KCNK10: variants seen among roughly 807,000 people sequenced by gnomAD.
KCNK10 encodes the protein potassium two pore domain channel subfamily K member 10, also known as potassium channel subfamily K member 10.
KCNK10 carries 25 observed loss-of-function variants against 47.7 expected under a neutral mutation model. The observed-to-expected ratio is 0.52, with a 90% CI of 0.38 to 0.73. The LOEUF (loss-of-function observed/expected upper bound fraction) is 0.73, where lower values mean the gene tolerates loss of function less well. KCNK10 is among the 30% of genes least tolerant of loss of function. KCNK10 has a pLI of 0.00. For synonymous variants in KCNK10, 303 were observed against 285.6 expected, an observed-to-expected ratio of 1.06 and a Z score of -0.61; for missense variants, 563 against 714.5, an observed-to-expected ratio of 0.79 and a Z score of 2.42.
rs375325533 is a variant in KCNK10, at chr14:88,244,449, A to G, written c.403-3629T>C. 1.8e-4 allele frequency among the ~76,000 whole-genome samples: 27 copies of G among 152,310 alleles called. 1 individual carries two copies. Among genetic ancestry groups the G allele is most frequent in the African/African-American group, 6.5e-4 (27 of 41,564 alleles). ...TTTGGGAGGCCAAGGCAGGTGGATC[A>G]CAAGGTCAGGAGTTTGAGGCCATCC... On this transcript the variant is annotated intron_variant, in intron 2 of 6. Coordinates refer to ENST00000319231, the MANE Select transcript of KCNK10 (RefSeq NM_138317.3).
chr14:88,233,929 C>T (rs997434925), intron 3 of KCNK10, among the ~76,000 whole-genome samples: 1 of 152,156 alleles, frequency 6.6e-6, no homozygotes, highest in African/African-American at 2.4e-5. Flanking sequence ...GAATCCAATA[C>T]CGGGTATCAG....
intron 3 of KCNK10, 36 bp from the exon 4 acceptor site, chr14:88,227,571 A>G (rs1886028250): frequency 6.4e-7 from 1 of 1,553,500 alleles, no homozygotes; most frequent in African/African-American, 1.4e-5. Flanking sequence ...AGAGTGGCAG[A>G]GAAATTAGCA....
At position 88,239,498 on chromosome 14, in the gene KCNK10, T is replaced by C. The variant is rs577522078; in HGVS notation, c.520+1205A>G. Among the ~76,000 whole-genome samples, 3 of 152,332 alleles carry C rather than the reference T, an allele frequency of 2.0e-5. No homozygotes were observed. In the East Asian group the frequency reaches 5.8e-4, roughly 29 times the overall value. ...AGAAAAGAGATATCATCACCCGTTA[T>C]AGGGATCGAATACATGCTGGTTAAC... is the stretch of plus-strand genomic sequence containing the variant. On this transcript the variant is annotated intron_variant, in intron 3 of 6. Transcript: ENST00000319231.
intron 4 of KCNK10, among the ~76,000 whole-genome samples, chr14:88,212,921 C>G (rs527851103): frequency 2.2e-4 from 33 of 152,344 alleles, no homozygotes; most frequent in African/African-American, 7.0e-4. Context: ...GCCATCAGAG[C>G]CTGCTCAGCA....
rs1225972167 is a variant in KCNK10 at position 88,184,710 on chromosome 14, T to TTGC, written c.*824_*825insGCA. The TTGC allele has an allele frequency of 6.6e-6, 1 of 152,314 alleles. No homozygotes were observed. The highest frequency in any genetic ancestry group is 1.5e-5 in the Non-Finnish European group (1 of 68,026). The allele number at this position is 152,314 out of a possible 1,614,324, so 9.4% of individuals were successfully genotyped here. A position where few individuals can be genotyped will look rare whatever the true frequency, so the allele number is the denominator to read the frequency against. Reference sequence around the variant, plus strand: ...GTACATGGACATTTCCAAATCAGTTTATTGTCACCATTGCACCCACTGAGG... The same window carrying TTGC: ...GTACATGGACATTTCCAAATCAGTTTTGCATTGTCACCATTGCACCCACTGAGG... On this transcript the variant is annotated 3_prime_UTR_variant, in exon 7 of 7. Transcript: ENST00000319231.
At chr14:88,297,470 G>A (rs527537147) in intron 1 of KCNK10, among the ~76,000 whole-genome samples, 3 of 152,192 alleles carry the variant, frequency 2.0e-5, no homozygotes, top group Non-Finnish European at 4.4e-5. Context: ...AGAAACATCT[G>A]GCAGCATTCT....
chr14:88,314,230 T>C (rs1888383998), intron 1 of KCNK10, among the ~76,000 whole-genome samples: 1 of 152,152 alleles, frequency 6.6e-6, no homozygotes, highest in South Asian at 2.1e-4. Context: ...GTCATGGGCA[T>C]GGAGCCTTCA....
intron 1 of KCNK10, among the ~76,000 whole-genome samples, chr14:88,296,743 C>T (rs530911463): frequency 6.6e-6 from 1 of 152,302 alleles, no homozygotes; most frequent in South Asian, 2.1e-4. Flanking sequence ...TAGACCTGGA[C>T]ATCTGGGCAT....
intron 3 of KCNK10, among the ~76,000 whole-genome samples, chr14:88,232,524 A>G (rs1160456194): frequency 6.6e-6 from 1 of 152,232 alleles, no homozygotes; most frequent in Non-Finnish European, 1.5e-5. Flanking sequence ...ATTCTTACTT[A>G]CATTGTATTA....
Position 88,322,101 on chromosome 14 carries a change from CT to C in KCNK10, c.52+645del, listed in dbSNP as rs1455898474. On this transcript the variant is annotated intron_variant, in intron 1 of 6. Transcript: ENST00000319231. The surrounding 1 kb of genome is among the most constrained non-coding windows in gnomAD (Gnocchi z 4.8). ...GGCGGGCACACTTCGTGCCCCTCCCCTATGCCTTGCCAGCCCCACCCTTCTC... is the reference window on the plus strand; with the variant it reads ...GGCGGGCACACTTCGTGCCCCTCCCCATGCCTTGCCAGCCCCACCCTTCTC... 6.6e-6 allele frequency among the ~76,000 whole-genome samples: 1 copy of C among 152,226 alleles called. No individual in the cohort carries two copies. Among genetic ancestry groups the C allele is most frequent in the East Asian group, 1.9e-4 (1 of 5,194 alleles).
chr14:88,187,926 C>T (rs1884624207), intron 6 of KCNK10, 41 bp downstream of exon 6: 2 of 1,606,532 alleles, frequency 1.2e-6, no homozygotes, highest in Non-Finnish European at 1.7e-6. Flanking sequence ...ACAAGCTCAT[C>T]TGTTCTCAGG....
rs566786963 is a variant in KCNK10 at position 88,290,735 on chromosome 14, A to T, written c.53-27184T>A. Reference sequence around the variant, plus strand: ...AATTTACAGATGAAAACCTTTTGAGAAAATTCTTGCCAATGTCCCTATAAG... The same window carrying T: ...AATTTACAGATGAAAACCTTTTGAGTAAATTCTTGCCAATGTCCCTATAAG... On this transcript the variant is annotated intron_variant, in intron 1 of 6. Coordinates refer to ENST00000319231, the MANE Select transcript of KCNK10 (RefSeq NM_138317.3). Among the ~76,000 whole-genome samples the T allele has an allele frequency of 2.0e-5, 3 of 152,368 alleles. No homozygotes were observed. The South Asian group carries it at 6.2e-4, about 32-fold the overall frequency.
chr14:88,251,177 G>A (rs1027465723), intron 2 of KCNK10, among the ~76,000 whole-genome samples: 4 of 139,010 alleles, frequency 2.9e-5, no homozygotes, highest in African/African-American at 1.1e-4. Flanking sequence ...AGGTTGCAGT[G>A]AGCTGAGATC....
At chr14:88,323,302 G>C (rs1182281182), upstream of KCNK10, 1 of 985,272 alleles carries the variant, frequency 1.0e-6, no homozygotes, top group Non-Finnish European at 1.2e-6. Context: ...CGGCCGCGCT[G>C]AGCGCACACG....
At chr14:88,252,288 C>T (rs1886822732) in intron 2 of KCNK10, among the ~76,000 whole-genome samples, 1 of 152,150 alleles carries the variant, frequency 6.6e-6, no homozygotes, top group African/African-American at 2.4e-5. Context: ...GACATTTGGT[C>T]ATCCTAGTTA....
intron 2 of KCNK10, among the ~76,000 whole-genome samples, chr14:88,251,618 T>G (rs760979402): frequency 6.6e-6 from 1 of 152,238 alleles, no homozygotes; most frequent in Non-Finnish European, 1.5e-5. Flanking sequence ...AACAAATAAC[T>G]TAAAACCCTT....
chr14:88,290,391 T>A (rs1227054628), intron 1 of KCNK10, among the ~76,000 whole-genome samples: 3 of 152,202 alleles, frequency 2.0e-5, no homozygotes. Flanking sequence ...TTAGGAAGTC[T>A]AACATGCAGA....
At chr14:88,198,077 A>G (rs1884981260) in intron 4 of KCNK10, among the ~76,000 whole-genome samples, 1 of 152,194 alleles carries the variant, frequency 6.6e-6, no homozygotes. Flanking sequence ...CTGGGAGAGA[A>G]GAAAGGAAAT....
intron 1 of KCNK10, among the ~76,000 whole-genome samples, chr14:88,305,626 G>GA (rs2139794293): frequency 6.6e-6 from 1 of 152,266 alleles, no homozygotes; most frequent in East Asian, 1.9e-4. Flanking sequence ...GCAAAAGGCA[G>GA]AAAGGCAAGA....
Sources: gnomAD v4.1 joint callset for allele counts (sites outside exome capture counted in the v4.1 genomes callset) on GRCh38, gnomAD v4.1.1 for gene constraint, Gnocchi (gnomAD v3.1) non-coding constraint, MANE v1.5 for transcripts, NCBI Gene and HGNC (gene_info 2026-07-23, HGNC 2026-07-21) for gene names.